The following DHRS2 variants were observed in gnomAD, a reference collection of about 807,000 sequenced individuals.
DHRS2 encodes dehydrogenase/reductase SDR family member 2, mitochondrial.
Under a neutral mutation model 26.3 loss-of-function variants are expected in DHRS2, and 29 were observed. That is an observed-to-expected ratio of 1.10 (90% confidence interval 0.82 to 1.50). DHRS2 has a LOEUF of 1.50. DHRS2 is among the 40% of genes most tolerant of loss of function. The probability of loss-of-function intolerance (pLI) is 0.00; values close to 1 mark genes in which losing one functional copy is unlikely to be tolerated. For missense variants in DHRS2, 439 were observed against 367.1 expected (o/e 1.20, Z -1.60); for synonymous variants, 164 against 151.3 (o/e 1.08, Z -0.62).
intron 6 of DHRS2, 60 bp from the exon 7 acceptor site, chr14:23,644,349 C>A (rs938000120): frequency 6.2e-7 from 1 of 1,606,042 alleles, no homozygotes; most frequent in Non-Finnish European, 8.5e-7. Flanking sequence ...GGTGAGAAAT[C>A]CAACTGATGC....
In DHRS2 at chr14:23,645,267, G is replaced by A. The variant is rs142921924; in HGVS notation, c.*14G>A. ...ACTCGGCTCTGAGAGGAGTGGGGGCGGCTGCGTAGCTGTGGTCCCAGGCCC... is the reference window on the plus strand; with the variant it reads ...ACTCGGCTCTGAGAGGAGTGGGGGCAGCTGCGTAGCTGTGGTCCCAGGCCC... On this transcript the variant is annotated 3_prime_UTR_variant, in exon 9 of 9. Coordinates refer to ENST00000250383, the MANE Select transcript of DHRS2 (RefSeq NM_005794.4). 2.5e-4 allele frequency: 405 copies of A among 1,613,982 alleles called. No individual in the cohort carries two copies. The highest frequency in any genetic ancestry group is 5.9e-4 in the African/African-American group (44 of 75,046).
upstream of DHRS2, among the ~76,000 whole-genome samples, chr14:23,634,879 G>A (rs540368267): frequency 6.6e-6 from 1 of 152,232 alleles, no homozygotes; most frequent in East Asian, 1.9e-4. Context: ...TTGTTTGGAA[G>A]TGTGTAGCAC....
intron 3 of DHRS2, among the ~76,000 whole-genome samples, 190 bp downstream of exon 3, chr14:23,639,546 A>G (rs993256569): frequency 6.6e-6 from 1 of 151,646 alleles, no homozygotes; most frequent in South Asian, 2.1e-4. Context: ...CCCTCACCCC[A>G]CCCCCAGGCC....
At chr14:23,635,184 T>G (rs886079424), upstream of DHRS2, among the ~76,000 whole-genome samples, 1 of 151,934 alleles carries the variant, frequency 6.6e-6, no homozygotes, top group Non-Finnish European at 1.5e-5. Flanking sequence ...CATCTTAGTC[T>G]CCCGAGTAGC....
chr14:23,636,925 C>T (rs956043070), intron 1 of DHRS2, among the ~76,000 whole-genome samples, 153 bp downstream of exon 1: 1 of 152,190 alleles, frequency 6.6e-6, no homozygotes, highest in Non-Finnish European at 1.5e-5. Context: ...GGAAAGGGAT[C>T]TCTAACAACC....
chr14:23,638,722 C>T (rs1427904594), intron 1 of DHRS2, 105 bp from the exon 2 acceptor site: 2 of 1,234,592 alleles, frequency 1.6e-6, no homozygotes, highest in South Asian at 1.5e-5. Context: ...TGACTCTCTG[C>T]CACTTTCTGT....
Position 23,644,491 on chromosome 14 carries a change from T to C in DHRS2, c.623T>C (p.Ile208Thr). 6.2e-7 allele frequency: 1 copy of C among 1,614,228 alleles called. No homozygotes were observed. The highest frequency in any genetic ancestry group is 8.5e-7 in the Non-Finnish European group (1 of 1,180,038). ...TLALELAPKD[I>T]RVNCVVPGII... is the part of the protein sequence containing the mutation. ...GCATTGGAGCTGGCCCCCAAGGACA[T>C]CCGGGTAAACTGCGTGGTTCCAGGA... The change falls in exon 7 of 9, where the codon ATC becomes ACC. Residue 208 changes from isoleucine to threonine, a missense_variant. By Grantham distance (89) the Ile-to-Thr change is moderately conservative (BLOSUM62 -1). Transcript: ENST00000250383.
intron 1 of DHRS2, 154 bp from the exon 2 acceptor site, chr14:23,638,673 A>T (rs996140368): frequency 1.5e-6 from 1 of 684,554 alleles, no homozygotes; most frequent in South Asian, 2.0e-5. Flanking sequence ...TGCTTTCCTG[A>T]CCTGAGGTTC....
intron 5 of DHRS2, 109 bp downstream of exon 5, chr14:23,643,328 G>T (rs961687151): frequency 1.8e-5 from 18 of 974,276 alleles, no homozygotes; most frequent in Admixed American, 7.5e-5. Flanking sequence ...AGAGGTCTGG[G>T]ATCTCCACAT....
At chr14:23,632,924 G>A (rs1223277944), upstream of DHRS2, among the ~76,000 whole-genome samples, 4 of 152,188 alleles carry the variant, frequency 2.6e-5, no homozygotes, top group Admixed American at 2.6e-4. Context: ...TGAGTGCCCT[G>A]CTAACTAACC....
In DHRS2 at chr14:23,644,396, A is replaced by T. The variant is rs188339582; in HGVS notation, c.541-13A>T. 17 of 1,613,930 alleles carry T rather than the reference A, an allele frequency of 1.1e-5. No homozygotes were observed. In the East Asian group the frequency reaches 3.8e-4, roughly 36 times the overall value. On this transcript the variant is annotated splice_polypyrimidine_tract_variant and intron_variant, in intron 6 of 8. Transcript: ENST00000250383. ...CTCCCATATCCTAATCACTCTGTCA[A>T]TTCCCTTCCCAGGCGCTGGGTGTCT...
chr14:23,638,140 T>C (rs887244994), intron 1 of DHRS2: 1 of 152,688 alleles, frequency 6.5e-6, no homozygotes. Context: ...CCAGAAGGAA[T>C]GAACAACTCC....
rs1890845666 is a variant in DHRS2, at chr14:23,645,575, C to T, written c.*322C>T. ...CTCAGGCCTTTGAAGGATTTCAGCT[C>T]CTCCTCTCTGTAATTTGTGCTTTAA... On this transcript the variant is annotated 3_prime_UTR_variant, in exon 9 of 9. Coordinates refer to ENST00000250383, the MANE Select transcript of DHRS2 (RefSeq NM_005794.4). The T allele has an allele frequency of 2.4e-6, 1 of 408,958 alleles. No individual in the cohort carries two copies. Among genetic ancestry groups the T allele is most frequent in the Non-Finnish European group, 4.4e-6 (1 of 229,124 alleles). 25.3% of individuals were successfully genotyped at this position (408,958 alleles called of 1,614,324 possible).
Position 23,639,225 on chromosome 14 carries a change from G to C in DHRS2, c.187G>C (p.Val63Leu). Residue 63 changes from valine (V) to leucine (L), a missense_variant, in exon 3 of 9, where the codon GTG becomes CTG. Physicochemically the swap from Val to Leu is conservative, Grantham distance 32 (BLOSUM62 1). Coordinates refer to ENST00000250383, the MANE Select transcript of DHRS2 (RefSeq NM_005794.4). Reference protein sequence around the residue: ...ARRLARDGAHVVISSRKQQNV... With the variant: ...ARRLARDGAHLVISSRKQQNV... ...ACGTCTGGCCCGGGACGGGGCCCAC[G>C]TGGTCATCAGCAGCCGGAAGCAGCA... 5.0e-6 allele frequency: 8 copies of C among 1,613,940 alleles called. No homozygotes were observed. Among genetic ancestry groups the C allele is most frequent in the Non-Finnish European group, 6.8e-6 (8 of 1,179,942 alleles).
In DHRS2 at chr14:23,644,438, A is replaced by G. The variant is rs1180606397; in HGVS notation, c.570A>G (p.Thr190=). Residue 190 remains threonine, a synonymous_variant, in exon 7 of 9, where the codon ACA becomes ACG. Coordinates refer to ENST00000250383, the MANE Select transcript of DHRS2 (RefSeq NM_005794.4). The part of the protein sequence containing the change: ...VALGVYNVSK[T]ALLGLTRTLA... ...TGGGTGTCTACAATGTCAGCAAGACAGCGCTGCTGGGTCTCACTAGAACAC... is the reference window on the plus strand; with the variant it reads ...TGGGTGTCTACAATGTCAGCAAGACGGCGCTGCTGGGTCTCACTAGAACAC... 3.7e-6 allele frequency: 6 copies of G among 1,614,188 alleles called. No homozygotes were observed. The highest frequency in any genetic ancestry group is 4.2e-6 in the Non-Finnish European group (5 of 1,180,038).
upstream of DHRS2, among the ~76,000 whole-genome samples, chr14:23,635,987 TG>T (rs1890264148): frequency 6.6e-6 from 1 of 152,076 alleles, no homozygotes; most frequent in South Asian, 2.1e-4. Context: ...GCTGGGCTTC[TG>T]GGTCCGGTGG....
At chr14:23,634,857 C>T (rs1890224461), upstream of DHRS2, among the ~76,000 whole-genome samples, 1 of 152,104 alleles carries the variant, frequency 6.6e-6, no homozygotes. Flanking sequence ...AGTGAGTTCT[C>T]ATGAGATCTG....
At chr14:23,633,213 G>A (rs537109062), upstream of DHRS2, among the ~76,000 whole-genome samples, 8 of 152,308 alleles carry the variant, frequency 5.3e-5, no homozygotes, top group South Asian at 1.5e-3. Flanking sequence ...TAGCTACAGA[G>A]GCACACCGTT....
rs772883472 is a variant in DHRS2, at chr14:23,639,024, TG to T, written c.140+23del. 1.2e-6 allele frequency: 2 copies of T among 1,611,522 alleles called. No individual in the cohort carries two copies. Among genetic ancestry groups the T allele is most frequent in the Non-Finnish European group, 1.7e-6 (2 of 1,179,364 alleles). ...CAGTGGGTGAGTGCTGGATTGCCCA[TG>T]GGTCCTGGCCCCTCACAGGGTCCTT... On this transcript the variant is annotated intron_variant, in intron 2 of 8. Transcript: ENST00000250383.
Sources: allele counts gnomAD v4.1 joint callset (sites outside exome capture counted in the v4.1 genomes callset), GRCh38; gene constraint gnomAD v4.1.1; transcripts MANE v1.5; gene names NCBI Gene and HGNC (gene_info 2026-07-23, HGNC 2026-07-21).